The following ENO2 variants were observed in gnomAD, a reference collection of about 807,000 sequenced individuals.
The protein encoded by ENO2 is enolase 2, also known as gamma-enolase.
Under a neutral mutation model 48.7 loss-of-function variants are expected in ENO2, and 19 were observed. The ratio of observed to expected loss-of-function variants is 0.39; its 90% CI spans 0.27 to 0.57. The LOEUF (loss-of-function observed/expected upper bound fraction) is 0.57, where lower values mean the gene tolerates loss of function less well. Ranked by LOEUF, ENO2 falls within the 20% of genes least tolerant of loss-of-function variation. ENO2 has a pLI of 0.58. For synonymous variants in ENO2, 198 were observed against 213.4 expected, an observed-to-expected ratio of 0.93 and a Z score of 0.63; for missense variants, 416 against 555.0, an observed-to-expected ratio of 0.75 and a Z score of 2.52.
In ENO2 at chr12:6,922,881, C is replaced by T. The variant is rs1945354340; in HGVS notation, c.*81C>T. On this transcript the variant is annotated 3_prime_UTR_variant, in exon 12 of 12. Transcript: ENST00000229277. The surrounding 1 kb of genome is among the most constrained non-coding windows in gnomAD (Gnocchi z 5.3). ...TGTCCTGATCTGTGATAGTTCACCC[C>T]CTGAGATCCCCTGAGCCCCAGGGTG... 6.0e-6 allele frequency: 9 copies of T among 1,495,754 alleles called. No homozygotes were observed. In the Admixed American group the frequency reaches 1.5e-4, roughly 25 times the overall value. The allele number at this position is 1,495,754 out of a possible 1,614,324, so 92.7% of individuals were successfully genotyped here. A position where few individuals can be genotyped will look rare whatever the true frequency, so the allele number is the denominator to read the frequency against.
Position 6,922,211 on chromosome 12 carries a change from G to T in ENO2, c.1176+47G>T, listed in dbSNP as rs1249873537. ...GTGAAGAGAACTCTCTGTGGGATTG[G>T]TATTTCTAGCTCACCCACCTGGTCT... On this transcript the variant is annotated intron_variant, in intron 10 of 11. Coordinates refer to ENST00000229277, the MANE Select transcript of ENO2 (RefSeq NM_001975.3). The surrounding 1 kb of genome is among the most constrained non-coding windows in gnomAD (Gnocchi z 5.3). 6.8e-6 allele frequency: 11 copies of T among 1,607,358 alleles called. No individual in the cohort carries two copies. Among genetic ancestry groups the T allele is most frequent in the Non-Finnish European group, 9.4e-6 (11 of 1,175,116 alleles).
rs1384436287 is a variant in ENO2, at chr12:6,919,796, G to C, written c.865+33G>C. On this transcript the variant is annotated intron_variant, in intron 8 of 11. Transcript: ENST00000229277. ...GAAGTGGTGTGAGGGGGAGGTCTGG[G>C]GGCAGGCAGGGACGTGTCCCAGCAA... 2.5e-6 allele frequency: 4 copies of C among 1,607,576 alleles called. No individual in the cohort carries two copies. In the African/African-American group the frequency reaches 5.3e-5, roughly 21 times the overall value.
In ENO2 at chr12:6,922,331, T is replaced by C. The variant is rs1945348319; in HGVS notation, c.1177-13T>C. 2.5e-6 allele frequency: 4 copies of C among 1,614,022 alleles called. No homozygotes were observed. Among genetic ancestry groups the C allele is most frequent in the Admixed American group, 3.3e-5 (2 of 59,990 alleles). ...GGCAGTCACTGAGCTGCAAATCCTT[T>C]GAAATGTTTCAGATCAAGACTGGTG... On this transcript the variant is annotated splice_polypyrimidine_tract_variant and intron_variant, in intron 10 of 11. Transcript: ENST00000229277. This position sits in a 1 kb window ranked among gnomAD's most constrained non-coding sequence, Gnocchi z 5.3.
chr12:6,920,025 A>G (rs1555141968), intron 8 of ENO2, among the ~76,000 whole-genome samples: 1 of 152,184 alleles, frequency 6.6e-6, no homozygotes, highest in Admixed American at 6.5e-5. Context: ...GTCATGGGGA[A>G]GGCTCTGGAA....
chr12:6,918,524 G>A (rs1945312427), intron 7 of ENO2, among the ~76,000 whole-genome samples: 2 of 151,098 alleles, frequency 1.3e-5, no homozygotes, highest in South Asian at 4.2e-4. Context: ...CTAATTTTTT[G>A]TATTTTTTAG....
intron 8 of ENO2, among the ~76,000 whole-genome samples, chr12:6,920,847 C>T (rs924503978): frequency 6.6e-6 from 1 of 151,570 alleles, no homozygotes; most frequent in African/African-American, 2.4e-5. Context: ...AGGCATGAGC[C>T]ACTGTGCCCA....
intron 5 of ENO2, chr12:6,917,339 G>T: frequency 1.4e-6 from 1 of 702,294 alleles, no homozygotes; most frequent in Non-Finnish European, 2.3e-6. Context: ...GCCTGAGAGA[G>T]TCTGTGGTCT....
intron 1 of ENO2, 127 bp from the exon 2 acceptor site, chr12:6,915,694 A>AACCACC: frequency 6.9e-6 from 1 of 145,570 alleles, no homozygotes; most frequent in Non-Finnish European, 1.4e-5. Context: ...GCGCCTCCCT[A>AACCACC]CCCACCCCCC....
At position 6,917,728 on chromosome 12, in the gene ENO2, C is replaced by T. The variant is rs782222275; in HGVS notation, c.444+14C>T. ...CTGCCTGTGCCGGTGAGCAATAAGC[C>T]AGCCTGCGGCTCTCCCAGGGGCGGG... On this transcript the variant is annotated intron_variant, in intron 6 of 11. Transcript: ENST00000229277. The T allele has an allele frequency of 1.5e-6, 2 of 1,294,650 alleles. No homozygotes were observed. Among genetic ancestry groups the T allele is most frequent in the Non-Finnish European group, 2.0e-6 (2 of 998,636 alleles). The allele number at this position is 1,294,650 out of a possible 1,614,324, so 80.2% of individuals were successfully genotyped here.
At chr12:6,915,161 G>A (rs1424262504) in intron 1 of ENO2, 1 of 152,906 alleles carries the variant, frequency 6.5e-6, no homozygotes, top group Non-Finnish European at 1.5e-5. Flanking sequence ...GAGGCGCAGA[G>A]GGGAGGACAG....
chr12:6,919,485 C>G, intron 7 of ENO2, 81 bp from the exon 8 acceptor site: 1 of 1,500,042 alleles, frequency 6.7e-7, no homozygotes, highest in Non-Finnish European at 9.1e-7. Context: ...TCCACCTCTG[C>G]CCTGAATGTC....
At position 6,915,902 on chromosome 12, in the gene ENO2, C is replaced by G; in HGVS notation, c.70C>G (p.Leu24Val). The change falls in exon 2 of 12, where the codon CTC (leucine) becomes GTC (valine). Residue 24 changes from leucine to valine, a missense_variant. Transcript: ENST00000229277. ...CGGGAACCCCACAGTGGAGGTGGAT[C>G]TCTATACTGCCAAAGGTAATGGGTG... is the stretch of plus-strand genomic sequence containing the variant. Reference protein sequence around the residue: ...SRGNPTVEVDLYTAKGLFRAA... With the variant: ...SRGNPTVEVDVYTAKGLFRAA... The G allele has an allele frequency of 6.2e-7, 1 of 1,614,046 alleles. No individual in the cohort carries two copies. Among genetic ancestry groups the G allele is most frequent in the Non-Finnish European group, 8.5e-7 (1 of 1,179,960 alleles).
rs1555141587 is a variant in ENO2, at chr12:6,916,198, C to T, written c.86-219C>T. Among the ~76,000 whole-genome samples, 1 of 151,336 alleles carries T rather than the reference C, an allele frequency of 6.6e-6. No individual in the cohort carries two copies. The highest frequency in any genetic ancestry group is 1.5e-5 in the Non-Finnish European group (1 of 67,834). ...CTGCAAGCAATTTTCTTTCTGCGGGCTCCCACTTGTGCATGTGGGGCCTCA... is the reference window on the plus strand; with the variant it reads ...CTGCAAGCAATTTTCTTTCTGCGGGTTCCCACTTGTGCATGTGGGGCCTCA... On this transcript the variant is annotated intron_variant, in intron 2 of 11. Transcript: ENST00000229277. This position sits in a 1 kb window ranked among gnomAD's most constrained non-coding sequence, Gnocchi z 4.5.
rs782645505 is a variant in ENO2, at chr12:6,918,053, A to G, written c.558A>G (p.Ala186=). Residue 186 remains alanine (A), a synonymous_variant, in exon 7 of 12, where the codon GCA becomes GCG. Transcript: ENST00000229277. The part of the protein sequence containing the change: ...ESFRDAMRLG[A]EVYHTLKGVI... ...TTCGGGATGCCATGCGACTAGGTGCAGAGGTCTACCATACACTCAAGGGAG... is the reference window on the plus strand; with the variant it reads ...TTCGGGATGCCATGCGACTAGGTGCGGAGGTCTACCATACACTCAAGGGAG... 19 of 1,614,098 alleles carry G rather than the reference A, an allele frequency of 1.2e-5. No individual in the cohort carries two copies. In the South Asian group the frequency reaches 1.8e-4, roughly 15 times the overall value.
Position 6,915,832 on chromosome 12 carries a change from C to T in ENO2, c.-1C>T. 1 of 1,613,188 alleles carries T rather than the reference C, an allele frequency of 6.2e-7. No individual in the cohort carries two copies. On this transcript the variant is annotated 5_prime_UTR_variant, in exon 2 of 12. Coordinates refer to ENST00000229277, the MANE Select transcript of ENO2 (RefSeq NM_001975.3). The stretch of plus-strand genomic sequence containing the variant: ...TTCCACCCGAGGAGATCCCAGCCAT[C>T]ATGTCCATAGAGAAGATCTGGGCCC...
chr12:6,922,592 A>G lies in ENO2; in HGVS notation c.1236-139A>G. On this transcript the variant is annotated intron_variant, in intron 11 of 11. Transcript: ENST00000229277. The surrounding 1 kb of genome is among the most constrained non-coding windows in gnomAD (Gnocchi z 5.3). ...GACAAATCCCAGAGATCACATGGGA[A>G]AGCCAGGGAATGCTAAGCCTTGGGG... is the stretch of plus-strand genomic sequence containing the variant. 7.7e-7 allele frequency: 1 copy of G among 1,291,810 alleles called. No individual in the cohort carries two copies. 80.0% of individuals were successfully genotyped at this position (1,291,810 alleles called of 1,614,324 possible). A position where few individuals can be genotyped will look rare whatever the true frequency, so the allele number is the denominator to read the frequency against.
intron 6 of ENO2, 42 bp downstream of exon 6, chr12:6,917,756 GGGGA>G: frequency 6.4e-7 from 1 of 1,569,726 alleles, no homozygotes; most frequent in Non-Finnish European, 8.7e-7. Flanking sequence ...GGGGCGGGTG[GGGGA>G]GGGAGCATGC....
At position 6,922,661 on chromosome 12, in the gene ENO2, G is replaced by A. The variant is rs1321428068; in HGVS notation, c.1236-70G>A. ...GGTGTGGGGGTGGTTGGAGTCTGGG[G>A]GACCCCTAGAGAGAGAAGCAGGATC... On this transcript the variant is annotated intron_variant, in intron 11 of 11. Transcript: ENST00000229277. The surrounding 1 kb of genome is among the most constrained non-coding windows in gnomAD (Gnocchi z 5.3). 1.3e-6 allele frequency: 2 copies of A among 1,581,692 alleles called. No individual in the cohort carries two copies. The highest frequency in any genetic ancestry group is 2.7e-5 in the African/African-American group (2 of 74,204).
intron 2 of ENO2, 70 bp downstream of exon 2, chr12:6,915,987 T>A: frequency 6.5e-7 from 1 of 1,547,814 alleles, no homozygotes. Flanking sequence ...CGGCCAGGGG[T>A]TCGGAGGCCT....
Sources: gnomAD v4.1 joint callset for allele counts (sites outside exome capture counted in the v4.1 genomes callset) on GRCh38, gnomAD v4.1.1 for gene constraint, Gnocchi (gnomAD v3.1) non-coding constraint, MANE v1.5 for transcripts, NCBI Gene and HGNC (gene_info 2026-07-23, HGNC 2026-07-21) for gene names.